Variants in MACO1 observed in about 807,000 individuals in gnomAD.
MACO1 encodes the protein macoilin 1, also known as macoilin.
Under a neutral mutation model 78.7 loss-of-function variants are expected in MACO1, and 14 were observed. That is an observed-to-expected ratio of 0.18 (90% CI 0.12 to 0.28). The LOEUF (loss-of-function observed/expected upper bound fraction) is 0.28, where lower values mean the gene tolerates loss of function less well. MACO1 is among the 10% of genes least tolerant of loss of function. MACO1 has a pLI of 1.00. For synonymous variants in MACO1, 288 were observed against 291.6 expected (o/e 0.99, Z 0.12); for missense variants, 501 against 799.0 (o/e 0.63, Z 4.50).
chr1:25,434,764 C>T (rs944203655), intron 1 of MACO1, among the ~76,000 whole-genome samples: 2 of 152,134 alleles, frequency 1.3e-5, no homozygotes, highest in African/African-American at 2.4e-5. Flanking sequence ...TCTTATATTT[C>T]TAAGGTCCTT....
At chr1:25,446,343 C>T (rs1451136127) in intron 1 of MACO1, among the ~76,000 whole-genome samples, 1 of 152,194 alleles carries the variant, frequency 6.6e-6, no homozygotes, top group Middle Eastern at 3.2e-3. Context: ...TTCAAAGACT[C>T]TTCAAACAGA....
At chr1:25,487,307 C>T (rs2043442354) in intron 8 of MACO1, among the ~76,000 whole-genome samples, 1 of 152,170 alleles carries the variant, frequency 6.6e-6, no homozygotes, top group South Asian at 2.1e-4. Context: ...GCTCCTGCCA[C>T]CGTGCCCAGC....
intron 6 of MACO1, among the ~76,000 whole-genome samples, chr1:25,463,117 C>G (rs2043186144): frequency 1.3e-5 from 2 of 152,124 alleles, no homozygotes; most frequent in African/African-American, 4.8e-5. Context: ...CGATCTTTCC[C>G]CCTTATTAGA....
At position 25,448,773 on chromosome 1, in the gene MACO1, A is replaced by C. The variant is rs142743573; in HGVS notation, c.223-35A>C. On this transcript the variant is annotated intron_variant, in intron 2 of 10. Transcript: ENST00000374343. ...GTGGTTGAAAATAACAGGTTCTAAG[A>C]TGTATCTTTTATTTTGTTTTATTTT... 504 of 1,481,606 alleles carry C rather than the reference A, an allele frequency of 3.4e-4. 1 individual carries two copies. In the African/African-American group the frequency reaches 6.3e-3, roughly 18 times the overall value. The allele number at this position is 1,481,606 out of a possible 1,614,324, so 91.8% of individuals were successfully genotyped here.
At chr1:25,454,464 G>GTATATATATATATATATATATA (rs1206688329) in intron 4 of MACO1, 82 bp downstream of exon 4, 6 of 178,136 alleles carry the variant, frequency 3.4e-5, no homozygotes, top group South Asian at 4.9e-4. Flanking sequence ...GTGTGTGTGT[G>GTATATATATATATATATATATA]TGTGTGTATA....
chr1:25,457,460 A>C (rs1313729632), intron 5 of MACO1, among the ~76,000 whole-genome samples: 1 of 151,962 alleles, frequency 6.6e-6, no homozygotes, highest in Non-Finnish European at 1.5e-5. Context: ...AATACTATGG[A>C]ACTATGTGAA....
rs2043564235 is a variant in MACO1 at position 25,499,200 on chromosome 1, C to G, written c.*734C>G. The G allele has an allele frequency of 6.6e-6, 1 of 152,226 alleles. No homozygotes were observed. Among genetic ancestry groups the G allele is most frequent in the Non-Finnish European group, 1.5e-5 (1 of 68,042 alleles). The allele number at this position is 152,226 out of a possible 1,614,324, so 9.4% of individuals were successfully genotyped here. A position where few individuals can be genotyped will look rare whatever the true frequency, so the allele number is the denominator to read the frequency against. On this transcript the variant is annotated 3_prime_UTR_variant, in exon 11 of 11. Transcript: ENST00000374343. ...CAAGAGGAAACTTGATAATTTTAAA[C>G]TCTTTTCCCCCTTTACCGTCATCTA...
intron 1 of MACO1, among the ~76,000 whole-genome samples, chr1:25,445,718 A>G (rs1383448402): frequency 6.6e-6 from 1 of 152,088 alleles, no homozygotes; most frequent in African/African-American, 2.4e-5. Flanking sequence ...TAAATGACTA[A>G]TTTGATCACA....
intron 6 of MACO1, among the ~76,000 whole-genome samples, chr1:25,469,158 TATACTC>T (rs113629960): frequency 2.2e-4 from 33 of 152,286 alleles, no homozygotes; most frequent in East Asian, 1.7e-3. Context: ...GTGTTTAACT[TATACTC>T]ATATTCAAGT....
intron 6 of MACO1, among the ~76,000 whole-genome samples, chr1:25,460,489 T>C (rs1331276483): frequency 6.6e-6 from 1 of 151,844 alleles, no homozygotes; most frequent in Non-Finnish European, 1.5e-5. Context: ...CTGTAGACTC[T>C]ACCTCCCCAG....
At chr1:25,446,986 T>C in intron 2 of MACO1, 83 bp downstream of exon 2, 1 of 1,478,948 alleles carries the variant, frequency 6.8e-7, no homozygotes, top group Non-Finnish European at 9.0e-7. Context: ...CTCAGGTAAC[T>C]ATGTTAGGAT....
intron 6 of MACO1, among the ~76,000 whole-genome samples, chr1:25,463,453 A>G (rs1377860311): frequency 6.6e-6 from 1 of 152,210 alleles, no homozygotes; most frequent in East Asian, 1.9e-4. Flanking sequence ...TACCTTACAA[A>G]ATGACCCTGT....
intron 1 of MACO1, among the ~76,000 whole-genome samples, chr1:25,445,096 C>G (rs2043003815): frequency 6.9e-6 from 1 of 145,520 alleles, no homozygotes; most frequent in African/African-American, 2.6e-5. Flanking sequence ...GAGTTTGAGA[C>G]CAGCCTGGGT....
chr1:25,480,861 G>C (rs1223934833), intron 6 of MACO1, among the ~76,000 whole-genome samples: 2 of 145,916 alleles, frequency 1.4e-5, no homozygotes, highest in East Asian at 2.0e-4. Flanking sequence ...AACCCAGGAG[G>C]GGGAGATTGC....
intron 6 of MACO1, among the ~76,000 whole-genome samples, chr1:25,459,216 C>T (rs538311176): frequency 3.6e-4 from 55 of 152,256 alleles, no homozygotes; most frequent in African/African-American, 8.9e-4. Context: ...GTTCTCTTGG[C>T]GTAAACACAA....
At chr1:25,475,037 G>T (rs184475970) in intron 6 of MACO1, among the ~76,000 whole-genome samples, 36 of 152,288 alleles carry the variant, frequency 2.4e-4, no homozygotes, top group Non-Finnish European at 4.7e-4. Context: ...AAGTAGTTGA[G>T]GTAGATTTAA....
At chr1:25,435,392 C>T (rs1453073501) in intron 1 of MACO1, among the ~76,000 whole-genome samples, 2 of 152,154 alleles carry the variant, frequency 1.3e-5, no homozygotes, top group Non-Finnish European at 2.9e-5. Context: ...GAGAAAAATT[C>T]TCTGGTCCTT....
chr1:25,432,396 G>A (rs1002498995), intron 1 of MACO1, among the ~76,000 whole-genome samples: 27 of 152,210 alleles, frequency 1.8e-4, no homozygotes, highest in Admixed American at 1.6e-3. Flanking sequence ...AAAATTTCTT[G>A]GGTATATTCT....
chr1:25,466,756 A>G (rs1427247073), intron 6 of MACO1, among the ~76,000 whole-genome samples: 2 of 152,184 alleles, frequency 1.3e-5, no homozygotes, highest in African/African-American at 2.4e-5. Context: ...CTCTCTTCAC[A>G]GTGTCTTTTA....
Sources: allele counts gnomAD v4.1 joint callset (sites outside exome capture counted in the v4.1 genomes callset), GRCh38; gene constraint gnomAD v4.1.1; transcripts MANE v1.5; gene names NCBI Gene and HGNC (gene_info 2026-07-23, HGNC 2026-07-21).